Variants in WWP1 observed in about 807,000 individuals in gnomAD.
WWP1 encodes the protein NEDD4-like E3 ubiquitin-protein ligase WWP1.
A neutral mutation model predicts 130.6 loss-of-function variants in WWP1; 49 were observed. That is an observed-to-expected ratio of 0.38 (90% confidence interval 0.30 to 0.48). The LOEUF (loss-of-function observed/expected upper bound fraction) is 0.48. Among genes scored for constraint, WWP1 ranks in the 20% least tolerant of loss-of-function variants. The pLI, the probability that WWP1 is intolerant of heterozygous loss-of-function variation, is 0.99. For synonymous variants in WWP1, 332 were observed against 367.8 expected, an observed-to-expected ratio of 0.90 and a Z score of 1.11; for missense variants, 809 against 1,100.6, an observed-to-expected ratio of 0.74 and a Z score of 3.75.
intron 10 of WWP1, 138 bp downstream of exon 10, chr8:86,425,456 A>G (rs748088844): frequency 5.4e-5 from 31 of 569,086 alleles, no homozygotes; most frequent in Non-Finnish European, 8.9e-5. Flanking sequence ...TAAATAATGA[A>G]TGTTCAGTCA....
chr8:86,454,200 C>T (rs1309610693), intron 21 of WWP1, among the ~76,000 whole-genome samples: 2 of 152,114 alleles, frequency 1.3e-5, no homozygotes, highest in Non-Finnish European at 2.9e-5. Context: ...ACACTTCTCC[C>T]TTACACTTTA....
chr8:86,408,843 G>A (rs935074866), intron 8 of WWP1, among the ~76,000 whole-genome samples: 5 of 152,160 alleles, frequency 3.3e-5, no homozygotes, highest in East Asian at 3.9e-4. Flanking sequence ...CTGGGGTGCT[G>A]AGGTTTCAGT....
chr8:86,418,127 A>C (rs1195370207), intron 9 of WWP1, among the ~76,000 whole-genome samples: 1 of 152,232 alleles, frequency 6.6e-6, no homozygotes, highest in Non-Finnish European at 1.5e-5. Context: ...ACTTAGTCAT[A>C]TTTCCACATC....
intron 1 of WWP1, among the ~76,000 whole-genome samples, chr8:86,359,669 C>T (rs1213331524): frequency 2.0e-5 from 3 of 152,086 alleles, no homozygotes; most frequent in Non-Finnish European, 4.4e-5. Flanking sequence ...GCCAGTTCTG[C>T]CTTCTCAGGG....
Position 86,442,647 on chromosome 8 carries a change from G to A in WWP1, c.1867G>A (p.Val623Ile), listed in dbSNP as rs1810650216. ...ATGGTTTTTCTTGCTTTCACATGAAGTTTTGAACCCAATGTATTGCTTATT... is the reference window on the plus strand; with the variant it reads ...ATGGTTTTTCTTGCTTTCACATGAAATTTTGAACCCAATGTATTGCTTATT... ...REWFFLLSHE[V>I]LNPMYCLFEY... Residue 623 changes from valine to isoleucine, a missense_variant, in exon 18 of 25, where the codon GTT (valine) becomes ATT (isoleucine). Physicochemically the swap from Val to Ile is conservative, Grantham distance 29. Transcript: ENST00000517970. 1.2e-6 allele frequency: 2 copies of A among 1,606,462 alleles called. No individual in the cohort carries two copies. Among genetic ancestry groups the A allele is most frequent in the Non-Finnish European group, 1.7e-6 (2 of 1,177,642 alleles).
chr8:86,394,469 G>C (rs1367900350), intron 5 of WWP1, among the ~76,000 whole-genome samples: 1 of 152,176 alleles, frequency 6.6e-6, no homozygotes, highest in Non-Finnish European at 1.5e-5. Context: ...CAAGATCTCT[G>C]CTCTGCTAGA....
rs966337506 is a variant in WWP1, at chr8:86,435,454, C to T, written c.1604C>T (p.Thr535Ile). Reference protein sequence around the residue: ...KDPRNGKSSVTKGGPQIAYER... With the variant: ...KDPRNGKSSVIKGGPQIAYER... The stretch of plus-strand genomic sequence containing the variant: ...GGTTTATTTTTGTTTTTCTTTAGAA[C>T]TAAAGGTGGTCCACAAATTGCTTAT... The change falls in exon 15 of 25, where the codon ACT becomes ATT. Residue 535 changes from threonine (T) to isoleucine (I), a missense_variant and splice_region_variant. Thr to Ile is a moderately conservative substitution (Grantham distance 89, BLOSUM62 -1). Around this residue, in one of 3 missense-constraint regions of WWP1, gnomAD observed 450 missense variants for 674.2 expected, o/e 0.67. Transcript: ENST00000517970. 1.2e-6 allele frequency: 2 copies of T among 1,613,888 alleles called. No individual in the cohort carries two copies. The highest frequency in any genetic ancestry group is 1.7e-6 in the Non-Finnish European group (2 of 1,179,974).
intron 21 of WWP1, among the ~76,000 whole-genome samples, chr8:86,455,530 A>G (rs959401966): frequency 2.0e-5 from 3 of 152,060 alleles, no homozygotes; most frequent in African/African-American, 7.2e-5. Flanking sequence ...TGTATTAGCA[A>G]CAGACACTTA....
At position 86,425,134 on chromosome 8, in the gene WWP1, C is replaced by T. The variant is rs1586427701; in HGVS notation, c.1062-89C>T. 34 of 926,200 alleles carry T rather than the reference C, an allele frequency of 3.7e-5. No individual in the cohort carries two copies. The South Asian group carries it at 5.0e-4, about 13-fold the overall frequency. The allele number at this position is 926,200 out of a possible 1,614,324, so 57.4% of individuals were successfully genotyped here. A position where few individuals can be genotyped will look rare whatever the true frequency, so the allele number is the denominator to read the frequency against. On this transcript the variant is annotated intron_variant, in intron 9 of 24. Transcript: ENST00000517970. ...TATAGTCTTTTAATGTAAAGCTTAT[C>T]TGTAATTTTTCTGATTATAAGGAAG...
chr8:86,382,352 G>C (rs1258763613), intron 5 of WWP1, among the ~76,000 whole-genome samples: 1 of 152,126 alleles, frequency 6.6e-6, no homozygotes, highest in East Asian at 1.9e-4. Flanking sequence ...TCTGGGGAGA[G>C]GGTTCATAGC....
At chr8:86,452,164 C>A (rs72688602) in intron 20 of WWP1, among the ~76,000 whole-genome samples, 8,251 of 152,020 alleles carry the variant, frequency 0.054, 317 homozygotes, top group Non-Finnish European at 0.086. Flanking sequence ...GTAAGAAGAG[C>A]CTGTTAAATG....
intron 20 of WWP1, among the ~76,000 whole-genome samples, chr8:86,451,212 A>G (rs948741506): frequency 2.8e-5 from 3 of 106,600 alleles, no homozygotes; most frequent in African/African-American, 1.2e-4. Context: ...ACCCTATGTT[A>G]TTAAAAAAAA....
intron 1 of WWP1, among the ~76,000 whole-genome samples, chr8:86,355,714 G>A (rs754692802): frequency 2.6e-5 from 4 of 152,010 alleles, no homozygotes; most frequent in Admixed American, 6.6e-5. Context: ...ATCTTTTTAC[G>A]ATTAATTGTT....
rs192350654 is a variant in WWP1 at position 86,434,195 on chromosome 8, A to C, written c.1602-1257A>C. ...ATTTCCAAAACAAAATTTAATTAAA[A>C]GTCATTTATTTGCACAAAACCCTTC... is the stretch of plus-strand genomic sequence containing the variant. On this transcript the variant is annotated intron_variant, in intron 14 of 24. Coordinates refer to ENST00000517970, the MANE Select transcript of WWP1 (RefSeq NM_007013.4). 1.3e-3 allele frequency among the ~76,000 whole-genome samples: 201 copies of C among 152,340 alleles called. 2 individuals are homozygous for C. The highest frequency in any genetic ancestry group is 4.6e-3 in the African/African-American group (193 of 41,574).
intron 24 of WWP1, among the ~76,000 whole-genome samples, chr8:86,464,060 C>CA (rs976443597): frequency 6.7e-5 from 10 of 149,504 alleles, no homozygotes; most frequent in African/African-American, 1.5e-4. Flanking sequence ...GACCCTGTCT[C>CA]AAAAAAAACA....
In WWP1 at chr8:86,362,071, T is replaced by C. The variant is rs1021282527; in HGVS notation, c.-114-6868T>C. On this transcript the variant is annotated intron_variant, in intron 1 of 24. Transcript: ENST00000517970. ...ACACACATATATACACACATATATA[T>C]ACACATATATACACACATATATATA... is the stretch of plus-strand genomic sequence containing the variant. Among the ~76,000 whole-genome samples, 10 of 131,450 alleles carry C rather than the reference T, an allele frequency of 7.6e-5. 1 individual carries two copies. Among genetic ancestry groups the C allele is most frequent in the African/African-American group, 2.6e-4 (9 of 35,218 alleles). 86.2% of individuals were successfully genotyped at this position (131,450 alleles called of 152,430 possible).
chr8:86,453,589 A>AT (rs1363771077), intron 21 of WWP1, among the ~76,000 whole-genome samples: 5 of 152,160 alleles, frequency 3.3e-5, no homozygotes, highest in East Asian at 3.9e-4. Flanking sequence ...GTAATCCTCT[A>AT]TTTAATTTTT....
At position 86,423,752 on chromosome 8, in the gene WWP1, G is replaced by A. The variant is rs187069737; in HGVS notation, c.1062-1471G>A. 9.8e-3 allele frequency among the ~76,000 whole-genome samples: 1,498 copies of A among 152,118 alleles called. 28 individuals are homozygous for A. The highest frequency in any genetic ancestry group is 0.034 in the African/African-American group (1,423 of 41,508). ...GAGCTGTTTGGTACACTTCCCAGAC[G>A]GGGTGGCGGCCGGGCAGAGGGGCTC... On this transcript the variant is annotated intron_variant, in intron 9 of 24. Transcript: ENST00000517970.
chr8:86,381,190 A>G (rs767909098), intron 4 of WWP1, among the ~76,000 whole-genome samples: 2 of 152,216 alleles, frequency 1.3e-5, no homozygotes, highest in Non-Finnish European at 2.9e-5. Context: ...TAAAAGTATC[A>G]TGTAAGTCTT....
Sources: allele counts gnomAD v4.1 joint callset (sites outside exome capture counted in the v4.1 genomes callset), GRCh38; gene constraint gnomAD v4.1.1; regional missense constraint gnomAD v4.1.1; transcripts MANE v1.5; gene names NCBI Gene and HGNC (gene_info 2026-07-23, HGNC 2026-07-21).